Variants in SCRG1 observed in about 807,000 individuals in gnomAD.
SCRG1 encodes stimulator of chondrogenesis 1, also known as scrapie-responsive protein 1.
A neutral mutation model predicts 7.7 loss-of-function variants in SCRG1; 3 were observed. That is an observed-to-expected ratio of 0.39 (90% CI 0.18 to 1.01). The LOEUF is 1.01. SCRG1 is among the 50% of genes least tolerant of loss of function. The pLI is 0.36. For missense variants in SCRG1, 110 were observed against 117.2 expected, an observed-to-expected ratio of 0.94 and a Z score of 0.28; for synonymous variants, 46 against 41.2, an observed-to-expected ratio of 1.12 and a Z score of -0.44.
At chr4:173,481,893 G>A in the SCRG1 span, among the ~76,000 whole-genome samples, 1 of 151,974 alleles carries the variant, frequency 6.6e-6, no homozygotes, top group South Asian at 2.1e-4. Flanking sequence ...TTGGGGAGTC[G>A]AAAGTTACAC....
the SCRG1 span, among the ~76,000 whole-genome samples, chr4:173,483,758 A>G: frequency 3.8e-4 from 18 of 47,586 alleles, 8 homozygotes; most frequent in African/African-American, 1.3e-3. Context: ...TATGTGATAT[A>G]TCATATATAT....
chr4:173,391,187 CA>C lies in SCRG1; in HGVS notation c.227del (p.Leu76CysfsTer17). On this transcript the variant is annotated frameshift_variant, in exon 2 of 3. Coordinates refer to ENST00000296506, the MANE Select transcript of SCRG1 (RefSeq NM_007281.4). LOFTEE classifies it high-confidence loss of function. ...CATTTCCTTACTTTGGGCAGCAGAG[CA>C]ATTCGCTGAAGTTGCAGTAACAGAT... ...EMICYCNFSE[L>X]LCCPKDVFFG... The C allele has an allele frequency of 1.2e-6, 2 of 1,614,104 alleles. No individual in the cohort carries two copies.
chr4:173,412,862 G>A, the SCRG1 span, among the ~76,000 whole-genome samples: 11 of 152,242 alleles, frequency 7.2e-5, no homozygotes, highest in African/African-American at 1.9e-4. Context: ...TGAAAACCTC[G>A]CAGGTGACTT....
At chr4:173,392,381 C>A (rs1158019437) in intron 1 of SCRG1, among the ~76,000 whole-genome samples, 1 of 152,188 alleles carries the variant, frequency 6.6e-6, no homozygotes, top group Non-Finnish European at 1.5e-5. Flanking sequence ...TCCATGAACT[C>A]CTACCATGAT....
chr4:173,405,622 A>G (rs1375739720), intron 1 of SCRG1, among the ~76,000 whole-genome samples: 1 of 152,226 alleles, frequency 6.6e-6, no homozygotes, highest in Non-Finnish European at 1.5e-5. Flanking sequence ...GGATGAACTC[A>G]TGTATATTTA....
chr4:173,437,107 TGCTTTCCTC>T, the SCRG1 span, among the ~76,000 whole-genome samples: 1 of 152,264 alleles, frequency 6.6e-6, no homozygotes, highest in South Asian at 2.1e-4. Context: ...CATCAACTCC[TGCTTTCCTC>T]GTCTTTGTTC....
At chr4:173,391,539 G>T in intron 1 of SCRG1, 111 bp from the exon 2 acceptor site, 2 of 1,072,104 alleles carry the variant, frequency 1.9e-6, no homozygotes, top group Non-Finnish European at 2.7e-6. Context: ...AAGAATGGGA[G>T]TTGGGCTTTT....
At chr4:173,455,371 T>G in the SCRG1 span, among the ~76,000 whole-genome samples, 1 of 152,184 alleles carries the variant, frequency 6.6e-6, no homozygotes, top group African/African-American at 2.4e-5. Flanking sequence ...TAAACAACAC[T>G]TAATGAGAAC....
chr4:173,493,575 G>C, the SCRG1 span, among the ~76,000 whole-genome samples: 1 of 147,104 alleles, frequency 6.8e-6, no homozygotes, highest in Admixed American at 6.8e-5. Flanking sequence ...CCAAGATCGC[G>C]CCACTGTTCT....
chr4:173,391,693 C>T (rs1041335631), intron 1 of SCRG1, among the ~76,000 whole-genome samples: 7 of 152,150 alleles, frequency 4.6e-5, no homozygotes, highest in African/African-American at 1.7e-4. Flanking sequence ...CATGGGAGGC[C>T]TATGTACAAG....
In SCRG1 at chr4:173,385,346, T is replaced by C. The variant is rs563264271; in HGVS notation, c.*2995A>G. The C allele has an allele frequency of 6.6e-6, 1 of 152,206 alleles. No homozygotes were observed. The highest frequency in any genetic ancestry group is 6.5e-5 in the Admixed American group (1 of 15,274). 9.4% of individuals were successfully genotyped at this position (152,206 alleles called of 1,614,324 possible). ...TTAGCTGAGCATGGTGACAAGTGCC[T>C]GTAGTCCCAGCTACTCAGGAGGTTG... On this transcript the variant is annotated 3_prime_UTR_variant, in exon 3 of 3. Coordinates refer to ENST00000296506, the MANE Select transcript of SCRG1 (RefSeq NM_007281.4).
chr4:173,424,896 C>CA, the SCRG1 span, among the ~76,000 whole-genome samples: 2 of 3,878 alleles, frequency 5.2e-4, no homozygotes, highest in South Asian at 0.025. Context: ...GAGACTCCAT[C>CA]TTAAAATAAA....
At chr4:173,518,103 A>G in the SCRG1 span, among the ~76,000 whole-genome samples, 2 of 152,240 alleles carry the variant, frequency 1.3e-5, no homozygotes, top group South Asian at 4.1e-4. Flanking sequence ...TTAAAACAAT[A>G]TTCGCTCTCT....
upstream of SCRG1, among the ~76,000 whole-genome samples, chr4:173,409,068 G>A (rs1739984873): frequency 6.6e-6 from 1 of 151,598 alleles, no homozygotes; most frequent in African/African-American, 2.4e-5. Flanking sequence ...AGCAAATAAT[G>A]GGATTTTCTT....
the SCRG1 span, among the ~76,000 whole-genome samples, chr4:173,484,020 AT>A: frequency 1.4e-5 from 1 of 70,802 alleles, no homozygotes; most frequent in East Asian, 4.5e-4. Context: ...TATATAATAT[AT>A]TATAATATAC....
chr4:173,473,578 T>C, the SCRG1 span, among the ~76,000 whole-genome samples: 1 of 152,068 alleles, frequency 6.6e-6, no homozygotes, highest in Non-Finnish European at 1.5e-5. Flanking sequence ...GTGTTTAAGA[T>C]GCAGAGAGAA....
At chr4:173,473,760 G>GCCTCACTCT in the SCRG1 span, among the ~76,000 whole-genome samples, 1 of 152,176 alleles carries the variant, frequency 6.6e-6, no homozygotes, top group African/African-American at 2.4e-5. Context: ...CATCCCAGAG[G>GCCTCACTCT]CCTCACTCTG....
chr4:173,484,222 A>G, the SCRG1 span, among the ~76,000 whole-genome samples: 1 of 84,252 alleles, frequency 1.2e-5, no homozygotes, highest in African/African-American at 4.9e-5. Context: ...TCTATATTAT[A>G]TATAATATAT....
chr4:173,518,066 G>C, the SCRG1 span, among the ~76,000 whole-genome samples: 1 of 152,200 alleles, frequency 6.6e-6, no homozygotes, highest in Admixed American at 6.5e-5. Context: ...GTATCTTGAA[G>C]AAAAAAGAAA....
Sources: gnomAD v4.1 joint callset for allele counts (sites outside exome capture counted in the v4.1 genomes callset) on GRCh38, gnomAD v4.1.1 for gene constraint, MANE v1.5 for transcripts, NCBI Gene and HGNC (gene_info 2026-07-23, HGNC 2026-07-21) for gene names.